Variants in BBS1 observed in about 807,000 individuals in gnomAD.
BBS1 encodes the protein Bardet-Biedl syndrome 1.
A neutral mutation model predicts 73.9 loss-of-function variants in BBS1; 60 were observed. The ratio of observed to expected loss-of-function variants is 0.81; its 90% CI spans 0.66 to 1.01. BBS1 has a LOEUF of 1.01. Ranked by LOEUF, BBS1 falls within the 50% of genes least tolerant of loss-of-function variation. The probability of loss-of-function intolerance (pLI) is 0.00; values close to 1 mark genes in which losing one functional copy is unlikely to be tolerated. For synonymous variants in BBS1, 283 were observed against 317.4 expected (o/e 0.89, Z 1.15); for missense variants, 718 against 770.3 (o/e 0.93, Z 0.80).
intron 7 of BBS1, 44 bp downstream of exon 7, chr11:66,515,977 A>AT: frequency 2.5e-6 from 4 of 1,604,240 alleles, no homozygotes; most frequent in Non-Finnish European, 3.4e-6. Flanking sequence ...AAAAATTTAC[A>AT]TTTTTTTAAA....
chr11:66,530,921 C>T lies in BBS1; in HGVS notation c.1501C>T (p.Leu501Phe), dbSNP rs1474686967. The part of the protein sequence containing the change: ...VVQGLGPTFK[L>F]TLHLQNTSTT... ...TCAGGGCCTTGGCCCCACCTTTAAG[C>T]TCACACTTCACCTGCAGAACACCTC... Residue 501 changes from leucine to phenylalanine, a missense_variant, in exon 15 of 17, where the codon CTC (leucine) becomes TTC (phenylalanine). Leu to Phe is a conservative substitution (Grantham distance 22, BLOSUM62 0). Transcript: ENST00000318312. 1.2e-6 allele frequency: 2 copies of T among 1,614,086 alleles called. No individual in the cohort carries two copies. The highest frequency in any genetic ancestry group is 1.7e-6 in the Non-Finnish European group (2 of 1,180,050).
intron 3 of BBS1, among the ~76,000 whole-genome samples, chr11:66,512,539 A>G (rs115818114): frequency 3.7e-4 from 56 of 152,292 alleles, no homozygotes; most frequent in African/African-American, 1.2e-3. Context: ...GGGACACTAC[A>G]CTCAGAAATG....
chr11:66,531,823 A>AG, intron 16 of BBS1, 81 bp downstream of exon 16: 1 of 1,409,680 alleles, frequency 7.1e-7, no homozygotes, highest in Non-Finnish European at 9.9e-7. Flanking sequence ...CAAAGACCTT[A>AG]GGGGGCTCCT....
At position 66,526,737 on chromosome 11, in the gene BBS1, G is replaced by A. The variant is rs1856520800; in HGVS notation, c.1269G>A (p.Met423Ile). The A allele has an allele frequency of 6.2e-7, 1 of 1,614,108 alleles. No homozygotes were observed. The highest frequency in any genetic ancestry group is 8.5e-7 in the Non-Finnish European group (1 of 1,180,054). Residue 423 changes from methionine (M) to isoleucine (I), a missense_variant, in exon 13 of 17, where the codon ATG becomes ATA. Met to Ile is a conservative substitution (Grantham distance 10). Coordinates refer to ENST00000318312, the MANE Select transcript of BBS1 (RefSeq NM_024649.5). ...SEVGPPPAQAMKLNVPRKTRL... is the reference protein window; with the variant it reads ...SEVGPPPAQAIKLNVPRKTRL... ...TGGGTCCCCCACCAGCCCAGGCCAT[G>A]AAACTCAATGTGCCCCGAAAGACCC...
At chr11:66,521,490 C>A in intron 9 of BBS1, 114 bp downstream of exon 9, 1 of 830,920 alleles carries the variant, frequency 1.2e-6, no homozygotes, top group Non-Finnish European at 2.0e-6. Context: ...ATGCAAAGAG[C>A]TGAGAACTTC....
At chr11:66,526,926 G>C in intron 13 of BBS1, 119 bp downstream of exon 13, 1 of 1,601,166 alleles carries the variant, frequency 6.2e-7, no homozygotes. Flanking sequence ...CAACTAGGTA[G>C]GTCACTCACC....
chr11:66,511,357 A>T lies in BBS1; in HGVS notation c.159+118A>T, dbSNP rs562875897. 1.5e-5 allele frequency: 18 copies of T among 1,229,170 alleles called. No homozygotes were observed. The Admixed American group carries it at 4.4e-4, about 30-fold the overall frequency. The allele number at this position is 1,229,170 out of a possible 1,614,324, so 76.1% of individuals were successfully genotyped here. A position where few individuals can be genotyped will look rare whatever the true frequency, so the allele number is the denominator to read the frequency against. ...CTGGAATTCACATATACTGTGAAAA[A>T]GCACATTTAGCGTTAAATTTTGTTT... On this transcript the variant is annotated intron_variant, in intron 3 of 16. Transcript: ENST00000318312.
chr11:66,531,292 A>G (rs959880716), intron 15 of BBS1, among the ~76,000 whole-genome samples: 4 of 152,178 alleles, frequency 2.6e-5, no homozygotes, highest in Non-Finnish European at 1.5e-5. Context: ...AAACTGCTAG[A>G]GCCTGAACCC....
intron 8 of BBS1, chr11:66,520,810 T>C (rs890494146): frequency 3.9e-6 from 1 of 255,960 alleles, no homozygotes; most frequent in East Asian, 1.0e-4. Flanking sequence ...CTCAGCTTAC[T>C]GCAACCTATG....
chr11:66,529,376 A>G (rs1412705853), intron 13 of BBS1: 2 of 1,457,190 alleles, frequency 1.4e-6, no homozygotes, highest in African/African-American at 2.8e-5. Flanking sequence ...GGAGATGAGC[A>G]GGAGGCAGGC....
At position 66,529,998 on chromosome 11, in the gene BBS1, C is replaced by T. The variant is rs1310779029; in HGVS notation, c.1473+46C>T. On this transcript the variant is annotated intron_variant, in intron 14 of 16. Transcript: ENST00000318312. The stretch of plus-strand genomic sequence containing the variant: ...AGAGTCAGGGCCAGAGGGGCAGAGG[C>T]CAGGATGCGCAGGAACCCCTCTGCC... The T allele has an allele frequency of 2.5e-6, 4 of 1,568,790 alleles. No individual in the cohort carries two copies. In the South Asian group the frequency reaches 3.4e-5, roughly 13 times the overall value.
intron 15 of BBS1, among the ~76,000 whole-genome samples, chr11:66,531,365 G>A (rs1565290829): frequency 1.3e-5 from 2 of 152,190 alleles, no homozygotes; most frequent in East Asian, 1.9e-4. Context: ...TTTTCCCCCA[G>A]GGCCCAGGTC....
chr11:66,529,985 A>C, intron 14 of BBS1, 33 bp downstream of exon 14: 1 of 1,581,594 alleles, frequency 6.3e-7, no homozygotes, highest in South Asian at 1.1e-5. Flanking sequence ...AGTCAGGGCC[A>C]GAGGGGCAGA....
chr11:66,519,610 T>C lies in BBS1; in HGVS notation c.592-7T>C, dbSNP rs1377616978. 28 of 1,613,688 alleles carry C rather than the reference T, an allele frequency of 1.7e-5. No homozygotes were observed. The highest frequency in any genetic ancestry group is 2.2e-5 in the Non-Finnish European group (26 of 1,179,880). On this transcript the variant is annotated splice_region_variant and splice_polypyrimidine_tract_variant and intron_variant, in intron 7 of 16. Coordinates refer to ENST00000318312, the MANE Select transcript of BBS1 (RefSeq NM_024649.5). ...TTCCCTGGGTGACCCCTGGAGTCCTTCTGTAGACAGTCATCACCACCATGA... is the reference window on the plus strand; with the variant it reads ...TTCCCTGGGTGACCCCTGGAGTCCTCCTGTAGACAGTCATCACCACCATGA...
intron 7 of BBS1, among the ~76,000 whole-genome samples, chr11:66,517,221 A>C (rs571625282): frequency 2.0e-3 from 303 of 151,770 alleles, no homozygotes; most frequent in Non-Finnish European, 2.8e-3. Context: ...CAAAAAACAA[A>C]AAAAAAAAGA....
chr11:66,514,496 G>A lies in BBS1; in HGVS notation c.250G>A (p.Ala84Thr), dbSNP rs1335188580. 6.2e-7 allele frequency: 1 copy of A among 1,614,054 alleles called. No individual in the cohort carries two copies. Among genetic ancestry groups the A allele is most frequent in the Non-Finnish European group, 8.5e-7 (1 of 1,180,048 alleles). The change falls in exon 4 of 17, where the codon GCT becomes ACT. Residue 84 changes from alanine (A) to threonine (T), a missense_variant. Ala to Thr is a moderately conservative substitution (Grantham distance 58). Coordinates refer to ENST00000318312, the MANE Select transcript of BBS1 (RefSeq NM_024649.5). ...GGTGATGACCGAAAGCCCGCTACCTGCTCTGCCAGCTGCTGCTGCCACCTT... is the reference window on the plus strand; with the variant it reads ...GGTGATGACCGAAAGCCCGCTACCTACTCTGCCAGCTGCTGCTGCCACCTT... ...PLVMTESPLP[A>T]LPAAAATFLM...
chr11:66,510,888 G>A, intron 1 of BBS1, 125 bp from the exon 2 acceptor site: 1 of 1,386,836 alleles, frequency 7.2e-7, no homozygotes, highest in Non-Finnish European at 1.0e-6. Flanking sequence ...AGCCAGTGGC[G>A]GAGCCTGGAC....
Position 66,532,227 on chromosome 11 carries a change from C to A in BBS1, c.*190C>A, listed in dbSNP as rs1379540798. The A allele has an allele frequency of 2.2e-5, 14 of 623,352 alleles. No homozygotes were observed. In the East Asian group the frequency reaches 3.3e-4, roughly 15 times the overall value. 38.6% of individuals were successfully genotyped at this position (623,352 alleles called of 1,614,324 possible). ...GCAGGTTAGTGAGTACCTAGGGCGG[C>A]TCAACTCCTCCCACAGCACCAACCC... On this transcript the variant is annotated 3_prime_UTR_variant, in exon 17 of 17. Coordinates refer to ENST00000318312, the MANE Select transcript of BBS1 (RefSeq NM_024649.5).
chr11:66,523,567 C>T lies in BBS1; in HGVS notation c.942C>T (p.Phe314=). 6.2e-7 allele frequency: 1 copy of T among 1,614,186 alleles called. No homozygotes were observed. The highest frequency in any genetic ancestry group is 1.1e-5 in the South Asian group (1 of 91,086). Residue 314 remains phenylalanine, a synonymous_variant, in exon 10 of 17, where the codon TTC becomes TTT. Transcript: ENST00000318312. ...VGSTQDSLHG[F]THKGKKLWTV... is the part of the protein sequence containing the mutation. ...GCACCCAAGACAGCCTGCATGGCTT[C>T]ACCCACAAGGTGCAGCCCCCAGCAA...
Sources: gnomAD v4.1 joint callset for allele counts (sites outside exome capture counted in the v4.1 genomes callset) on GRCh38, gnomAD v4.1.1 for gene constraint, MANE v1.5 for transcripts, NCBI Gene and HGNC (gene_info 2026-07-23, HGNC 2026-07-21) for gene names.